The following CEP63 variants were observed in gnomAD, a reference collection of about 807,000 sequenced individuals.
CEP63 encodes the protein centrosomal protein 63.
A neutral mutation model predicts 89.1 loss-of-function variants in CEP63; 84 were observed. The observed-to-expected ratio is 0.94, with a 90% CI of 0.79 to 1.13. The LOEUF is 1.13. Among genes scored for constraint, CEP63 ranks in the 50% most tolerant of loss-of-function variants. The pLI, the probability that CEP63 is intolerant of heterozygous loss-of-function variation, is 0.00. For synonymous variants in CEP63, 267 were observed against 272.5 expected (o/e 0.98, Z 0.20); for missense variants, 838 against 813.3 (o/e 1.03, Z -0.37).
At chr3:134,519,805 C>T (rs1181621758) in intron 3 of CEP63, among the ~76,000 whole-genome samples, 3 of 152,100 alleles carry the variant, frequency 2.0e-5, no homozygotes, top group Admixed American at 6.5e-5. Flanking sequence ...CATAATTCAT[C>T]ATATTATCAG....
rs541993315 is a variant in CEP63, at chr3:134,538,698, G to A, written c.555+1430G>A. On this transcript the variant is annotated intron_variant, in intron 6 of 14. Transcript: ENST00000675561. ...CTCCTAAAGTGCTGGGATTACAGGT[G>A]TGAGCCACCACACTTGACCAAGATA... Among the ~76,000 whole-genome samples, 11 of 151,414 alleles carry A rather than the reference G, an allele frequency of 7.3e-5. 1 individual carries two copies. In the South Asian group the frequency reaches 2.1e-3, roughly 29 times the overall value.
At chr3:134,759,112 C>G in the CEP63 span, among the ~76,000 whole-genome samples, 1 of 152,186 alleles carries the variant, frequency 6.6e-6, no homozygotes, top group Non-Finnish European at 1.5e-5. Context: ...CCCCTAGAGC[C>G]TTCAGAAGGA....
the CEP63 span, among the ~76,000 whole-genome samples, chr3:134,728,339 G>A: frequency 6.6e-6 from 1 of 152,252 alleles, no homozygotes; most frequent in South Asian, 2.1e-4. Context: ...CATCGAGCCA[G>A]TAATTTCACT....
chr3:134,623,404 G>C, the CEP63 span, among the ~76,000 whole-genome samples: 28 of 152,230 alleles, frequency 1.8e-4, 1 homozygote, highest in African/African-American at 6.5e-4. Context: ...TCCTCACTAA[G>C]AGTCTCATCC....
chr3:134,505,178 CT>C (rs1489093705), intron 2 of CEP63, among the ~76,000 whole-genome samples: 12 of 151,962 alleles, frequency 7.9e-5, no homozygotes, highest in Non-Finnish European at 1.5e-4. Flanking sequence ...TTTTTCTTTC[CT>C]TTTTCATTTT....
chr3:134,574,820 C>G (rs1461130636), exon 12 of CEP63: 1 of 624,368 alleles, frequency 1.6e-6, no homozygotes, highest in Non-Finnish European at 2.9e-6. Flanking sequence ...GTTGTCCAGT[C>G]TGGTTTTGAA....
the CEP63 span, chr3:134,629,758 T>C: frequency 1.1e-6 from 1 of 937,490 alleles, no homozygotes; most frequent in Non-Finnish European, 1.7e-6. Context: ...GAATGCCTCA[T>C]GACTGATGAT....
intron 5 of CEP63, chr3:134,536,428 G>A (rs1021549863): frequency 6.5e-6 from 1 of 153,146 alleles, no homozygotes. Flanking sequence ...GTGATAGAAA[G>A]ATTGAGTTTC....
At chr3:134,756,354 C>A in the CEP63 span, among the ~76,000 whole-genome samples, 3 of 152,106 alleles carry the variant, frequency 2.0e-5, no homozygotes. Flanking sequence ...GAAGGGTATC[C>A]TTTTTTTGAG....
intron 11 of CEP63, among the ~76,000 whole-genome samples, chr3:134,571,636 G>A (rs1336595759): frequency 2.0e-5 from 3 of 152,050 alleles, no homozygotes; most frequent in Non-Finnish European, 4.4e-5. Flanking sequence ...AGCTGAGATC[G>A]TGCCACTGCA....
At chr3:134,762,054 A>G in the CEP63 span, among the ~76,000 whole-genome samples, 127,007 of 152,142 alleles carry the variant, frequency 0.83, 53,254 homozygotes, top group East Asian at 0.99. Context: ...CCTTGACATC[A>G]ATCCCTCAGC....
the CEP63 span, among the ~76,000 whole-genome samples, chr3:134,604,867 G>T: frequency 2.6e-5 from 4 of 152,178 alleles, no homozygotes; most frequent in African/African-American, 4.8e-5. Flanking sequence ...CAAGTCTCAG[G>T]TCTAGCTTGC....
intron 3 of CEP63, among the ~76,000 whole-genome samples, chr3:134,514,119 G>T (rs1945653022): frequency 6.6e-6 from 1 of 151,912 alleles, no homozygotes. Flanking sequence ...TGCATTCAAG[G>T]CACTAAAAGA....
At chr3:134,715,273 G>A in the CEP63 span, among the ~76,000 whole-genome samples, 6 of 152,150 alleles carry the variant, frequency 3.9e-5, no homozygotes, top group Admixed American at 1.3e-4. Flanking sequence ...ATCATTTGGG[G>A]TCAGCCAGAG....
chr3:134,702,177 T>C, the CEP63 span, among the ~76,000 whole-genome samples: 1 of 151,984 alleles, frequency 6.6e-6, no homozygotes, highest in Non-Finnish European at 1.5e-5. Flanking sequence ...GGACCTCTTC[T>C]GGGAGAACTA....
the CEP63 span, among the ~76,000 whole-genome samples, chr3:134,656,649 G>A: frequency 4.1e-4 from 63 of 152,316 alleles, no homozygotes; most frequent in African/African-American, 1.4e-3. Flanking sequence ...TGTAAGAAAA[G>A]GAGGATATTT....
chr3:134,742,916 G>A, the CEP63 span, among the ~76,000 whole-genome samples: 1 of 152,208 alleles, frequency 6.6e-6, no homozygotes. Context: ...CCAGTCTGTG[G>A]TATTCTGTTA....
rs6802269 is a variant in CEP63 at position 134,497,835 on chromosome 3, C to G, written c.44+2471C>G. Among the ~76,000 whole-genome samples, 1,323 of 152,176 alleles carry G rather than the reference C, an allele frequency of 8.7e-3. 18 individuals carry two copies. Among genetic ancestry groups the G allele is most frequent in the African/African-American group, 0.031 (1,272 of 41,502 alleles). On this transcript the variant is annotated intron_variant, in intron 2 of 14. Transcript: ENST00000675561. ...AGCACCATTTATTGAATAGGGCGTCCTTTTCCCATTGTATGTTATTGGCAC... is the reference window on the plus strand; with the variant it reads ...AGCACCATTTATTGAATAGGGCGTCGTTTTCCCATTGTATGTTATTGGCAC...
the CEP63 span, among the ~76,000 whole-genome samples, chr3:134,764,208 C>T: frequency 6.6e-6 from 1 of 152,074 alleles, no homozygotes; most frequent in African/African-American, 2.4e-5. Flanking sequence ...AAAATGAGTA[C>T]TTTCTGGTGG....
Sources: allele counts gnomAD v4.1 joint callset (sites outside exome capture counted in the v4.1 genomes callset), GRCh38; gene constraint gnomAD v4.1.1; transcripts MANE v1.5; gene names NCBI Gene and HGNC (gene_info 2026-07-23, HGNC 2026-07-21).